Variants in SLC25A13 observed in about 807,000 individuals in gnomAD.
SLC25A13 encodes the protein solute carrier family 25 member 13, also known as electrogenic aspartate/glutamate antiporter SLC25A13, mitochondrial.
Under a neutral mutation model 85.5 loss-of-function variants are expected in SLC25A13, and 70 were observed. The observed-to-expected ratio is 0.82, with a 90% CI of 0.68 to 1.00. The LOEUF is 1.00. Among genes scored for constraint, SLC25A13 ranks in the 50% least tolerant of loss-of-function variants. The pLI, the probability that SLC25A13 is intolerant of heterozygous loss-of-function variation, is 0.00. For synonymous variants in SLC25A13, 259 were observed against 288.7 expected, an observed-to-expected ratio of 0.90 and a Z score of 1.04; for missense variants, 765 against 819.8, an observed-to-expected ratio of 0.93 and a Z score of 0.82.
In SLC25A13 at chr7:96,237,517, A is replaced by G. The variant is rs145835167; in HGVS notation, c.213-2600T>C. On this transcript the variant is annotated intron_variant, in intron 3 of 17. Coordinates refer to ENST00000265631, the MANE Select transcript of SLC25A13 (RefSeq NM_014251.3). ...AACAGAATCTTGACTTTTTTTTCAGACAGTTAAAAATCACTCAGTTTCTGG... is the reference window on the plus strand; with the variant it reads ...AACAGAATCTTGACTTTTTTTTCAGGCAGTTAAAAATCACTCAGTTTCTGG... Among the ~76,000 whole-genome samples, 1,174 of 152,268 alleles carry G rather than the reference A, an allele frequency of 7.7e-3. 11 individuals are homozygous for G. Among genetic ancestry groups the G allele is most frequent in the Non-Finnish European group, 0.01 (711 of 68,018 alleles).
At chr7:96,136,899 A>G (rs1051975586) in intron 14 of SLC25A13, among the ~76,000 whole-genome samples, 1 of 152,150 alleles carries the variant, frequency 6.6e-6, no homozygotes, top group Non-Finnish European at 1.5e-5. Context: ...ACAGTGGTGC[A>G]CCTTGTCTGA....
chr7:96,156,348 G>C (rs552116651), intron 13 of SLC25A13, among the ~76,000 whole-genome samples: 4 of 152,182 alleles, frequency 2.6e-5, no homozygotes, highest in Non-Finnish European at 4.4e-5. Context: ...CCAGGCTGGA[G>C]TGCAGTAGTG....
chr7:96,196,549 T>C (rs1795070651), intron 5 of SLC25A13, among the ~76,000 whole-genome samples: 1 of 152,174 alleles, frequency 6.6e-6, no homozygotes, highest in South Asian at 2.1e-4. Flanking sequence ...AGGACAGTGT[T>C]ACAACACATC....
At chr7:96,235,409 T>C (rs1796709834) in intron 3 of SLC25A13, among the ~76,000 whole-genome samples, 1 of 152,172 alleles carries the variant, frequency 6.6e-6, no homozygotes, top group Admixed American at 6.5e-5. Flanking sequence ...TACAGATAAA[T>C]GATACATGAA....
At chr7:96,207,509 A>C (rs1795505422) in intron 5 of SLC25A13, among the ~76,000 whole-genome samples, 1 of 152,198 alleles carries the variant, frequency 6.6e-6, no homozygotes, top group African/African-American at 2.4e-5. Flanking sequence ...AAAGAATTGA[A>C]AATTTTCCTC....
intron 4 of SLC25A13, 127 bp downstream of exon 4, chr7:96,234,675 C>T: frequency 1.5e-6 from 1 of 687,616 alleles, no homozygotes; most frequent in Non-Finnish European, 2.5e-6. Context: ...AGTATCTTTA[C>T]TAAAAGGGAT....
intron 3 of SLC25A13, among the ~76,000 whole-genome samples, chr7:96,272,704 T>A (rs990675472): frequency 6.6e-6 from 1 of 152,110 alleles, no homozygotes; most frequent in African/African-American, 2.4e-5. Flanking sequence ...GGTAATGGAG[T>A]ATAATACAGA....
chr7:96,122,116 A>G (rs923268864), intron 15 of SLC25A13, 119 bp from the exon 16 acceptor site: 44 of 1,344,334 alleles, frequency 3.3e-5, no homozygotes, highest in East Asian at 1.6e-4. Flanking sequence ...TAAAATGCCT[A>G]TTTTGCTGTC....
chr7:96,266,690 C>A (rs1301881856), intron 3 of SLC25A13, among the ~76,000 whole-genome samples: 1 of 152,110 alleles, frequency 6.6e-6, no homozygotes, highest in Non-Finnish European at 1.5e-5. Context: ...TTTAAAAATT[C>A]TTTTTAATTT....
At chr7:96,258,869 A>G (rs1325568296) in intron 3 of SLC25A13, among the ~76,000 whole-genome samples, 3 of 152,338 alleles carry the variant, frequency 2.0e-5, no homozygotes, top group African/African-American at 4.8e-5. Context: ...AAACAGATAT[A>G]TAGACCAATG....
At position 96,277,357 on chromosome 7, in the gene SLC25A13, A is replaced by G; in HGVS notation, c.70-19T>C. 6.2e-7 allele frequency: 1 copy of G among 1,600,684 alleles called. No individual in the cohort carries two copies. The highest frequency in any genetic ancestry group is 8.5e-7 in the Non-Finnish European group (1 of 1,171,746). On this transcript the variant is annotated intron_variant, in intron 2 of 17. Coordinates refer to ENST00000265631, the MANE Select transcript of SLC25A13 (RefSeq NM_014251.3). ...TTGCATACTGTTTAAAAAAAAGAAA[A>G]ACAGTATTTTATATATTTGATTTTC... is the stretch of plus-strand genomic sequence containing the variant.
intron 3 of SLC25A13, among the ~76,000 whole-genome samples, chr7:96,247,604 G>A (rs1239784619): frequency 2.0e-5 from 3 of 151,846 alleles, no homozygotes; most frequent in East Asian, 3.9e-4. Context: ...ACTCAAATTC[G>A]GCAACAAAAT....
intron 4 of SLC25A13, among the ~76,000 whole-genome samples, chr7:96,232,890 T>C (rs547805001): frequency 1.3e-5 from 2 of 152,222 alleles, no homozygotes; most frequent in African/African-American, 4.8e-5. Context: ...CTTATGCAAC[T>C]ATGCCTTCTA....
chr7:96,285,600 T>C lies in SLC25A13; in HGVS notation c.70-8262A>G, dbSNP rs571482984. 4.6e-5 allele frequency among the ~76,000 whole-genome samples: 7 copies of C among 152,204 alleles called. 1 individual carries two copies. In the East Asian group the frequency reaches 1.2e-3, roughly 25 times the overall value. On this transcript the variant is annotated intron_variant, in intron 2 of 17. Coordinates refer to ENST00000265631, the MANE Select transcript of SLC25A13 (RefSeq NM_014251.3). The stretch of plus-strand genomic sequence containing the variant: ...GGCCTTCCCTGACCACTCTCCACAA[T>C]GGGGGCTGCTCCCTCCTTCCACCTC...
At position 96,128,944 on chromosome 7, in the gene SLC25A13, C is replaced by CTCTCTCTA. The variant is rs1791876048; in HGVS notation, c.1591+2798_1591+2799insTAGAGAGA. On this transcript the variant is annotated intron_variant, in intron 15 of 17. Transcript: ENST00000265631. ...CTGCAGCTTCTGCCTTGCTTGCTCT[C>CTCTCTCTA]TCTCTCTCTCTCTCTCTCTCTCTCT... Among the ~76,000 whole-genome samples the CTCTCTCTA allele has an allele frequency of 2.3e-5, 3 of 129,262 alleles. No homozygotes were observed. The Admixed American group carries it at 2.5e-4, about 11-fold the overall frequency. The allele number at this position is 129,262 out of a possible 152,430, so 84.8% of individuals were successfully genotyped here.
At chr7:96,275,555 A>G (rs1162493245) in intron 3 of SLC25A13, among the ~76,000 whole-genome samples, 3 of 152,252 alleles carry the variant, frequency 2.0e-5, no homozygotes, top group Non-Finnish European at 4.4e-5. Context: ...CTATGCAGCC[A>G]TAAAAAATGA....
chr7:96,208,953 T>G lies in SLC25A13; in HGVS notation c.353A>C (p.Gln118Pro), dbSNP rs1795574966. The change falls in exon 5 of 18, where the codon CAG (glutamine) becomes CCG (proline). Residue 118 changes from glutamine (Q) to proline (P), a missense_variant. Gln to Pro is a moderately conservative substitution (Grantham distance 76, BLOSUM62 -1). Transcript: ENST00000265631. ...TGGAATATGTTGATGAATTGTGGTC[T>G]GTCCAAAAACTTGCTTAACATCCTC... ...TFEDVKQVFG[Q>P]TTIHQHIPFN... 2 of 1,614,196 alleles carry G rather than the reference T, an allele frequency of 1.2e-6. No homozygotes were observed. The highest frequency in any genetic ancestry group is 1.7e-6 in the Non-Finnish European group (2 of 1,180,024).
chr7:96,307,001 C>G, intron 1 of SLC25A13: 1 of 811,350 alleles, frequency 1.2e-6, no homozygotes, highest in Non-Finnish European at 2.0e-6. Context: ...TGCCATGAGT[C>G]TGCGGTGGGT....
chr7:96,249,041 C>G (rs950402569), intron 3 of SLC25A13, among the ~76,000 whole-genome samples: 2 of 152,172 alleles, frequency 1.3e-5, no homozygotes, highest in Non-Finnish European at 2.9e-5. Flanking sequence ...CACAATTGCA[C>G]GTGCCTCTGT....
Sources: gnomAD v4.1 joint callset for allele counts (sites outside exome capture counted in the v4.1 genomes callset) on GRCh38, gnomAD v4.1.1 for gene constraint, MANE v1.5 for transcripts, NCBI Gene and HGNC (gene_info 2026-07-23, HGNC 2026-07-21) for gene names.